Variants in CHD1L observed in about 807,000 individuals in gnomAD.
CHD1L encodes chromodomain helicase DNA binding protein 1 like.
In CHD1L, 118 loss-of-function variants were observed where a neutral mutation model predicts 115.9. The ratio of observed to expected loss-of-function variants is 1.02; its 90% CI spans 0.88 to 1.19. CHD1L has a LOEUF of 1.19. Ranked by LOEUF, CHD1L falls within the 50% of genes most tolerant of loss-of-function variation. The pLI is 0.00. For missense variants in CHD1L, 1,179 were observed against 1,065.3 expected (o/e 1.11, Z -1.49); for synonymous variants, 411 against 387.1 (o/e 1.06, Z -0.72).
chr1:147,178,058 C>T, the CHD1L span: 1 of 982,872 alleles, frequency 1.0e-6, no homozygotes, highest in East Asian at 2.7e-5. Context: ...CGCCCGACCG[C>T]CGCAGTCCCA....
intron 1 of CHD1L, among the ~76,000 whole-genome samples, chr1:147,243,437 A>G (rs1432048459): frequency 6.6e-6 from 1 of 151,922 alleles, no homozygotes; most frequent in African/African-American, 2.4e-5. Context: ...CTATATGCCA[A>G]CTTAGCTTGT....
At position 147,288,055 on chromosome 1, in the gene CHD1L, G is replaced by T. The variant is rs587671091; in HGVS notation, c.2320+322G>T. ...AAAGTATTGGAATGGGCTGGACACA[G>T]TGGCCCATGCCTGTAATCCCAGACT... On this transcript the variant is annotated intron_variant, in intron 19 of 22. Coordinates refer to ENST00000369258, the MANE Select transcript of CHD1L (RefSeq NM_004284.6). 2.0e-5 allele frequency among the ~76,000 whole-genome samples: 3 copies of T among 152,332 alleles called. No homozygotes were observed. In the East Asian group the frequency reaches 5.8e-4, roughly 29 times the overall value.
chr1:147,237,825 C>A (rs587641058), upstream of CHD1L, among the ~76,000 whole-genome samples: 1 of 152,294 alleles, frequency 6.6e-6, no homozygotes, highest in South Asian at 2.1e-4. Context: ...GCATGACAGT[C>A]AAAAGGCATC....
chr1:147,241,859 C>T (rs144113727), upstream of CHD1L, among the ~76,000 whole-genome samples: 6 of 152,250 alleles, frequency 3.9e-5, no homozygotes, highest in East Asian at 9.6e-4. Flanking sequence ...TGTTCCAGTA[C>T]TGCCAATTAC....
At chr1:147,228,681 G>A in the CHD1L span, among the ~76,000 whole-genome samples, 186 of 151,276 alleles carry the variant, frequency 1.2e-3, no homozygotes, top group African/African-American at 4.1e-3. Context: ...GTTGTTTCCT[G>A]ACTTTTTAAT....
intron 13 of CHD1L, among the ~76,000 whole-genome samples, chr1:147,275,735 G>C (rs1278080411): frequency 6.7e-6 from 1 of 149,922 alleles, no homozygotes. Flanking sequence ...CTTGAGTTAG[G>C]GTCTGACTCA....
At chr1:147,262,457 A>G (rs11239961) in intron 6 of CHD1L, among the ~76,000 whole-genome samples, 4,247 of 152,268 alleles carry the variant, frequency 0.028, 189 homozygotes, top group African/African-American at 0.097. Context: ...AAATGGACCT[A>G]ACTGAATCAA....
At chr1:147,242,939 C>G (rs1665218701) in intron 1 of CHD1L, 109 bp downstream of exon 1, 3 of 1,168,636 alleles carry the variant, frequency 2.6e-6, no homozygotes, top group Non-Finnish European at 3.2e-6. Flanking sequence ...TTTACCCGCT[C>G]GCGCCAGGGC....
chr1:147,208,116 G>A, the CHD1L span, among the ~76,000 whole-genome samples: 3 of 152,118 alleles, frequency 2.0e-5, no homozygotes, highest in Non-Finnish European at 4.4e-5. Context: ...TTAGCACTGT[G>A]CTTATCTTAT....
the CHD1L span, among the ~76,000 whole-genome samples, chr1:147,219,840 CT>C: frequency 1.1e-3 from 144 of 132,850 alleles, 1 homozygote; most frequent in Non-Finnish European, 1.1e-3. Flanking sequence ...ATGTTAATTG[CT>C]TTTTTTTTTT....
chr1:147,287,054 G>C (rs1683445503), intron 18 of CHD1L, among the ~76,000 whole-genome samples: 1 of 152,066 alleles, frequency 6.6e-6, no homozygotes, highest in African/African-American at 2.4e-5. Context: ...CTATGTATTT[G>C]TTTATTTGAC....
At chr1:147,237,224 T>C in the CHD1L span, among the ~76,000 whole-genome samples, 3 of 152,020 alleles carry the variant, frequency 2.0e-5, no homozygotes, top group African/African-American at 7.2e-5. Flanking sequence ...GGCCAGGCAA[T>C]GGGAGGAGAC....
chr1:147,294,598 C>A, intron 22 of CHD1L, 81 bp downstream of exon 22: 1 of 1,085,954 alleles, frequency 9.2e-7, no homozygotes, highest in Non-Finnish European at 1.3e-6. Flanking sequence ...AGTTCTTAAT[C>A]CAAGACCAAG....
the CHD1L span, among the ~76,000 whole-genome samples, chr1:147,223,280 T>C: frequency 6.6e-6 from 1 of 152,310 alleles, no homozygotes; most frequent in South Asian, 2.1e-4. Flanking sequence ...CTGATGATGA[T>C]ACACGTATGC....
At chr1:147,276,347 C>A (rs1009002594) in intron 14 of CHD1L, 90 bp downstream of exon 14, 41 of 1,372,368 alleles carry the variant, frequency 3.0e-5, no homozygotes, top group Non-Finnish European at 3.8e-5. Flanking sequence ...CACTCACCCT[C>A]TCCCCAGCTA....
At chr1:147,178,278 C>T in the CHD1L span, 2 of 1,613,528 alleles carry the variant, frequency 1.2e-6, no homozygotes, top group Non-Finnish European at 1.7e-6. Context: ...TCTTCGCCCC[C>T]TGGTGTGGAC....
chr1:147,222,578 CT>C, the CHD1L span, among the ~76,000 whole-genome samples: 1 of 152,234 alleles, frequency 6.6e-6, no homozygotes, highest in Non-Finnish European at 1.5e-5. Flanking sequence ...ATCTGGGGAG[CT>C]TTAAAAAATG....
At position 147,286,400 on chromosome 1, in the gene CHD1L, G is replaced by A. The variant is rs782440177; in HGVS notation, c.2121G>A (p.Leu707=). The change falls in exon 18 of 23, where the codon CTG becomes CTA. Residue 707 remains leucine, a synonymous_variant. Transcript: ENST00000369258. ...LENGEESSAE[L]DYQDPDATSL... is the part of the protein sequence containing the mutation. ...ATGGGGAAGAGAGCTCTGCTGAGCT[G>A]GATTACCAAGACCCAGATGCTACTT... 1 of 1,614,012 alleles carries A rather than the reference G, an allele frequency of 6.2e-7. No individual in the cohort carries two copies. The highest frequency in any genetic ancestry group is 1.3e-5 in the African/African-American group (1 of 74,916).
chr1:147,193,386 G>T, the CHD1L span, among the ~76,000 whole-genome samples: 1 of 151,948 alleles, frequency 6.6e-6, no homozygotes, highest in Non-Finnish European at 1.5e-5. Flanking sequence ...GCATCTATTT[G>T]ATTCTTCTCT....
Sources: allele counts gnomAD v4.1 joint callset (sites outside exome capture counted in the v4.1 genomes callset), GRCh38; gene constraint gnomAD v4.1.1; transcripts MANE v1.5; gene names NCBI Gene and HGNC (gene_info 2026-07-23, HGNC 2026-07-21).